Variants in TMEM108 observed in about 807,000 individuals in gnomAD.
TMEM108 encodes cancer/testis antigen 124.
In TMEM108, 12 loss-of-function variants were observed where a neutral mutation model predicts 35.1. The observed-to-expected ratio is 0.34, with a 90% confidence interval of 0.22 to 0.55. The LOEUF (loss-of-function observed/expected upper bound fraction) is 0.55, where lower values mean the gene tolerates loss of function less well. Ranked by LOEUF, TMEM108 falls within the 20% of genes least tolerant of loss-of-function variation. The pLI is 0.89. For synonymous variants in TMEM108, 287 were observed against 308.6 expected, an observed-to-expected ratio of 0.93 and a Z score of 0.73; for missense variants, 680 against 753.3, an observed-to-expected ratio of 0.90 and a Z score of 1.14.
At chr3:133,066,469 G>T (rs1020038696) in intron 2 of TMEM108, among the ~76,000 whole-genome samples, 3 of 152,084 alleles carry the variant, frequency 2.0e-5, no homozygotes, top group African/African-American at 7.2e-5. Flanking sequence ...AATAGAACTT[G>T]AAAAGGTCTG....
At chr3:133,212,472 C>T (rs561038645) in intron 2 of TMEM108, among the ~76,000 whole-genome samples, 5 of 152,252 alleles carry the variant, frequency 3.3e-5, no homozygotes, top group Admixed American at 2.6e-4. Context: ...TGTAATTGTA[C>T]CCACACTGTT....
intron 2 of TMEM108, among the ~76,000 whole-genome samples, chr3:133,108,417 CTTTT>C (rs962492591): frequency 6.6e-5 from 10 of 152,014 alleles, no homozygotes; most frequent in Admixed American, 2.6e-4. Context: ...TAAATGTCTT[CTTTT>C]GAGAAGTGTC....
At chr3:133,181,268 G>T (rs1231832948) in intron 2 of TMEM108, among the ~76,000 whole-genome samples, 2 of 152,040 alleles carry the variant, frequency 1.3e-5, no homozygotes, top group East Asian at 3.9e-4. Flanking sequence ...GAAAAGAAGA[G>T]CCTGAGTGGT....
intron 3 of TMEM108, among the ~76,000 whole-genome samples, chr3:133,356,296 C>T (rs1048947111): frequency 6.6e-6 from 1 of 151,968 alleles, no homozygotes; most frequent in Middle Eastern, 3.2e-3. Context: ...AGGAAAACTA[C>T]AAAACACTGC....
intron 3 of TMEM108, among the ~76,000 whole-genome samples, chr3:133,311,140 C>T (rs564395076): frequency 6.6e-6 from 1 of 152,260 alleles, no homozygotes; most frequent in African/African-American, 2.4e-5. Flanking sequence ...ATCTGGCTGC[C>T]CTTCACATTT....
chr3:133,385,038 T>C (rs998569574), intron 4 of TMEM108, among the ~76,000 whole-genome samples: 1 of 152,186 alleles, frequency 6.6e-6, no homozygotes, highest in African/African-American at 2.4e-5. Context: ...AGTGCAGCAT[T>C]CAAAGAGGTC....
At chr3:133,111,900 A>C (rs537687236) in intron 2 of TMEM108, among the ~76,000 whole-genome samples, 1 of 152,122 alleles carries the variant, frequency 6.6e-6, no homozygotes, top group African/African-American at 2.4e-5. Context: ...AACTTTCTAT[A>C]AAGGAGATCA....
rs529803951 is a variant in TMEM108, at chr3:133,278,324, A to G, written c.40+48973A>G. Among the ~76,000 whole-genome samples the G allele has an allele frequency of 1.8e-4, 28 of 152,350 alleles. No homozygotes were observed. In the South Asian group the frequency reaches 5.6e-3, roughly 30 times the overall value. ...TGGTGATTTTAAAGCAGTCCATTCC[A>G]AGCCTATTGCTTTATTTGTAAAATG... On this transcript the variant is annotated intron_variant, in intron 3 of 5. Coordinates refer to ENST00000321871, the MANE Select transcript of TMEM108 (RefSeq NM_023943.4).
chr3:133,389,148 G>A (rs112018668), intron 4 of TMEM108: 23,737 of 985,718 alleles, frequency 0.024, 508 homozygotes, highest in African/African-American at 0.1. Flanking sequence ...GTGTGAATCT[G>A]GACAGGCCAC....
intron 4 of TMEM108, chr3:133,389,243 C>A: frequency 4.1e-6 from 4 of 985,554 alleles, no homozygotes; most frequent in Non-Finnish European, 4.8e-6. Context: ...AGACATAATT[C>A]TTCCTCCTGG....
chr3:133,342,896 T>C (rs954290413), intron 3 of TMEM108, among the ~76,000 whole-genome samples: 1 of 151,572 alleles, frequency 6.6e-6, no homozygotes, highest in African/African-American at 2.4e-5. Context: ...TATTTTCAAA[T>C]AGTTAGAAGA....
At position 133,189,236 on chromosome 3, in the gene TMEM108, CA is replaced by C. The variant is rs549052760; in HGVS notation, c.-46-40027del. On this transcript the variant is annotated intron_variant, in intron 2 of 5. Transcript: ENST00000321871. ...TAATTTAACTGATCTAGTGGTTTGG[CA>C]AATATCCATCTGCTTCTGTATTATT... Among the ~76,000 whole-genome samples the C allele has an allele frequency of 3.6e-3, 552 of 152,262 alleles. 4 individuals are homozygous for C. Among genetic ancestry groups the C allele is most frequent in the African/African-American group, 0.013 (527 of 41,540 alleles).
At chr3:133,164,387 A>G (rs1945006196) in intron 2 of TMEM108, among the ~76,000 whole-genome samples, 1 of 152,182 alleles carries the variant, frequency 6.6e-6, no homozygotes, top group African/African-American at 2.4e-5. Context: ...GATAATTTGA[A>G]TAAGTGGGGA....
At chr3:133,343,049 T>G (rs2107750935) in intron 3 of TMEM108, among the ~76,000 whole-genome samples, 1 of 151,856 alleles carries the variant, frequency 6.6e-6, no homozygotes, top group African/African-American at 2.4e-5. Flanking sequence ...TTATTACATG[T>G]CAAGAAAAAA....
chr3:133,360,478 G>C (rs750525621), intron 3 of TMEM108, among the ~76,000 whole-genome samples: 4 of 152,184 alleles, frequency 2.6e-5, no homozygotes, highest in Non-Finnish European at 5.9e-5. Flanking sequence ...GAAGGTTACT[G>C]TCACCCTCTA....
intron 2 of TMEM108, among the ~76,000 whole-genome samples, chr3:133,092,078 A>C (rs1003114807): frequency 6.6e-6 from 1 of 152,242 alleles, no homozygotes; most frequent in Non-Finnish European, 1.5e-5. Context: ...GGAAGACGAC[A>C]GCTTTTCCTC....
chr3:133,169,917 G>A (rs913287310), intron 2 of TMEM108, among the ~76,000 whole-genome samples: 6 of 152,134 alleles, frequency 3.9e-5, no homozygotes, highest in Non-Finnish European at 7.3e-5. Context: ...CGATCTCAGC[G>A]CAGATGCACT....
chr3:133,248,638 A>G (rs1946420816), intron 3 of TMEM108: 1 of 152,230 alleles, frequency 6.6e-6, no homozygotes, highest in Non-Finnish European at 1.5e-5. Flanking sequence ...GGATAGAGGT[A>G]CTGGCTCTCA....
At chr3:133,324,941 A>C (rs2071312117) in intron 3 of TMEM108, among the ~76,000 whole-genome samples, 1 of 152,132 alleles carries the variant, frequency 6.6e-6, no homozygotes, top group Admixed American at 6.5e-5. Flanking sequence ...GCACCACTAC[A>C]CTCCAGCTTG....
Sources: gnomAD v4.1 joint callset for allele counts (sites outside exome capture counted in the v4.1 genomes callset) on GRCh38, gnomAD v4.1.1 for gene constraint, MANE v1.5 for transcripts, NCBI Gene and HGNC (gene_info 2026-07-23, HGNC 2026-07-21) for gene names.